Variants in CCDC102B observed in about 807,000 individuals in gnomAD.
CCDC102B encodes the protein coiled-coil domain-containing protein 102B.
In CCDC102B, 75 loss-of-function variants were observed where a neutral mutation model predicts 57.4. The observed-to-expected ratio is 1.31, with a 90% CI of 1.08 to 1.58. The LOEUF (loss-of-function observed/expected upper bound fraction) is 1.58. CCDC102B is among the 40% of genes most tolerant of loss of function. The probability of loss-of-function intolerance (pLI) is 0.00; values close to 1 mark genes in which losing one functional copy is unlikely to be tolerated. For synonymous variants in CCDC102B, 206 were observed against 201.9 expected, an observed-to-expected ratio of 1.02 and a Z score of -0.17; for missense variants, 636 against 582.6, an observed-to-expected ratio of 1.09 and a Z score of -0.94.
chr18:68,757,701 G>T (rs1463750962), intron 2 of CCDC102B, among the ~76,000 whole-genome samples: 3 of 152,030 alleles, frequency 2.0e-5, no homozygotes, highest in Non-Finnish European at 4.4e-5. Context: ...AAAAAAATAA[G>T]AAAAATTATA....
At chr18:68,837,472 C>A in intron 2 of CCDC102B, 103 bp downstream of exon 2, 1 of 1,109,604 alleles carries the variant, frequency 9.0e-7, no homozygotes, top group Non-Finnish European at 1.3e-6. Context: ...ACTAGCCTGC[C>A]AGGGCTACCA....
intron 5 of CCDC102B, 128 bp downstream of exon 5, chr18:68,874,913 T>C: frequency 1.6e-6 from 1 of 618,068 alleles, no homozygotes; most frequent in Non-Finnish European, 2.9e-6. Context: ...CTGCTGCTAA[T>C]GTAATCAGCT....
chr18:69,039,895 G>A (rs1385566477), intron 7 of CCDC102B, among the ~76,000 whole-genome samples: 1 of 150,328 alleles, frequency 6.7e-6, no homozygotes, highest in African/African-American at 2.5e-5. Flanking sequence ...GTTATGTAAT[G>A]TAATAGTAAG....
At position 68,734,274 on chromosome 18, in the gene CCDC102B, G is replaced by C. The variant is rs191560080; in HGVS notation, c.-67+17680G>C. Among the ~76,000 whole-genome samples, 727 of 152,282 alleles carry C rather than the reference G, an allele frequency of 4.8e-3. 5 individuals are homozygous for C. The highest frequency in any genetic ancestry group is 7.4e-3 in the Non-Finnish European group (505 of 68,026). The stretch of plus-strand genomic sequence containing the variant: ...AGGCACAGGTGACAGCAGATACCTA[G>C]CTCTGAAAAGACAAATAGTTAAGAA... On this transcript the variant is annotated intron_variant, in intron 2 of 3. Transcript: ENST00000578970.
intron 4 of CCDC102B, among the ~76,000 whole-genome samples, chr18:68,867,208 T>C (rs890368932): frequency 7.2e-5 from 11 of 152,168 alleles, no homozygotes; most frequent in African/African-American, 2.7e-4. Flanking sequence ...GCCCAGATGG[T>C]CTCGATTGCC....
chr18:68,841,695 C>T lies in CCDC102B; in HGVS notation c.827+2769C>T, dbSNP rs561095265. On this transcript the variant is annotated intron_variant, in intron 3 of 7. Transcript: ENST00000360242. ...TTTGTTCTGTGTCCTTTAAGCTGAG[C>T]TTCAGTCCTCCCTTTCCATTTTATC... Among the ~76,000 whole-genome samples the T allele has an allele frequency of 2.3e-4, 35 of 152,014 alleles. 1 individual carries two copies. In the East Asian group the frequency reaches 2.5e-3, roughly 11 times the overall value.
intron 6 of CCDC102B, among the ~76,000 whole-genome samples, chr18:68,944,636 G>T (rs2049480363): frequency 3.8e-5 from 1 of 26,478 alleles, no homozygotes; most frequent in Non-Finnish European, 7.7e-5. Context: ...CCATCAAACT[G>T]GTGATTAGGT....
chr18:68,975,902 C>T (rs2050423648), intron 6 of CCDC102B, among the ~76,000 whole-genome samples: 1 of 149,630 alleles, frequency 6.7e-6, no homozygotes, highest in Admixed American at 6.7e-5. Context: ...GACATAGTCA[C>T]AATCAATATT....
At chr18:68,890,749 G>T (rs1325070993) in intron 5 of CCDC102B, among the ~76,000 whole-genome samples, 1 of 151,866 alleles carries the variant, frequency 6.6e-6, no homozygotes, top group East Asian at 1.9e-4. Context: ...ATTGTTTTTG[G>T]ATTTATTCAT....
At chr18:69,024,520 CAT>C (rs1465199718) in intron 7 of CCDC102B, among the ~76,000 whole-genome samples, 3 of 151,990 alleles carry the variant, frequency 2.0e-5, no homozygotes, top group Non-Finnish European at 4.4e-5. Flanking sequence ...CATAATTAGA[CAT>C]ATTTAAAACT....
chr18:68,799,449 C>G (rs1013624411), intron 1 of CCDC102B, among the ~76,000 whole-genome samples: 22 of 152,014 alleles, frequency 1.4e-4, no homozygotes, highest in African/African-American at 5.3e-4. Context: ...GGTTTGGCTT[C>G]AAGGTAATTT....
chr18:68,759,103 A>C (rs1418399072), intron 2 of CCDC102B, among the ~76,000 whole-genome samples: 1 of 151,954 alleles, frequency 6.6e-6, no homozygotes, highest in African/African-American at 2.4e-5. Flanking sequence ...TGAAAGCACT[A>C]TAAAAAGCTC....
intron 2 of CCDC102B, among the ~76,000 whole-genome samples, chr18:68,762,435 A>C (rs910875288): frequency 6.6e-6 from 1 of 151,738 alleles, no homozygotes; most frequent in African/African-American, 2.4e-5. Context: ...TTATCTCCAC[A>C]CTGAATACAT....
chr18:68,865,323 A>T (rs1265880559), intron 4 of CCDC102B, among the ~76,000 whole-genome samples: 1 of 152,004 alleles, frequency 6.6e-6, no homozygotes, highest in Admixed American at 6.5e-5. Context: ...GATTTTCTTA[A>T]CCTACTTGTA....
At chr18:69,031,665 C>T (rs1284772632) in intron 7 of CCDC102B, among the ~76,000 whole-genome samples, 1 of 151,870 alleles carries the variant, frequency 6.6e-6, no homozygotes, top group Non-Finnish European at 1.5e-5. Context: ...TCTTGGGGCT[C>T]TTAATAAAAT....
intron 6 of CCDC102B, among the ~76,000 whole-genome samples, chr18:68,931,568 A>G (rs1380744452): frequency 2.6e-5 from 4 of 151,918 alleles, no homozygotes; most frequent in African/African-American, 7.2e-5. Flanking sequence ...ATAAACATAT[A>G]TAGCATACCC....
At chr18:68,749,684 G>A (rs1265947981) in intron 2 of CCDC102B, among the ~76,000 whole-genome samples, 1 of 152,104 alleles carries the variant, frequency 6.6e-6, no homozygotes, top group Admixed American at 6.6e-5. Flanking sequence ...GGGCTGAGAC[G>A]ATGGGGTTTT....
chr18:69,004,365 A>T (rs1262894135), intron 6 of CCDC102B, among the ~76,000 whole-genome samples: 1 of 152,162 alleles, frequency 6.6e-6, no homozygotes, highest in Non-Finnish European at 1.5e-5. Context: ...TGGAGCTGGA[A>T]TGGACCTTTG....
At chr18:68,816,677 G>T (rs1472677580) in intron 1 of CCDC102B, among the ~76,000 whole-genome samples, 1 of 151,972 alleles carries the variant, frequency 6.6e-6, no homozygotes, top group African/African-American at 2.4e-5. Flanking sequence ...TGTTAGCCAG[G>T]ATGGTCTCGA....
Sources: allele counts gnomAD v4.1 joint callset (sites outside exome capture counted in the v4.1 genomes callset), GRCh38; gene constraint gnomAD v4.1.1; transcripts MANE v1.5; gene names NCBI Gene and HGNC (gene_info 2026-07-23, HGNC 2026-07-21).